Variants in PPP2R3A observed in about 807,000 individuals in gnomAD.
The protein encoded by PPP2R3A is serine/threonine-protein phosphatase 2A regulatory subunit B'' subunit alpha.
A neutral mutation model predicts 106.9 loss-of-function variants in PPP2R3A; 80 were observed. The observed-to-expected ratio is 0.75, with a 90% CI of 0.62 to 0.90. The LOEUF (loss-of-function observed/expected upper bound fraction) is 0.90, where lower values mean the gene tolerates loss of function less well. PPP2R3A is among the 40% of genes least tolerant of loss of function. The pLI, the probability that PPP2R3A is intolerant of heterozygous loss-of-function variation, is 0.00. For synonymous variants in PPP2R3A, 483 were observed against 468.3 expected, an observed-to-expected ratio of 1.03 and a Z score of -0.41; for missense variants, 1,386 against 1,350.4, an observed-to-expected ratio of 1.03 and a Z score of -0.41.
chr3:136,041,957 G>A (rs1017086081), intron 4 of PPP2R3A, among the ~76,000 whole-genome samples: 2 of 151,980 alleles, frequency 1.3e-5, no homozygotes, highest in Non-Finnish European at 2.9e-5. Context: ...TCTTTTAACT[G>A]ATCAGCACCC....
intron 2 of PPP2R3A, among the ~76,000 whole-genome samples, chr3:136,004,859 T>A (rs1347393406): frequency 6.6e-6 from 1 of 152,202 alleles, no homozygotes; most frequent in Non-Finnish European, 1.5e-5. Context: ...TGTGCTTTTT[T>A]ATATTCTTAA....
chr3:136,077,895 G>A (rs549909834), intron 6 of PPP2R3A, among the ~76,000 whole-genome samples: 5 of 152,214 alleles, frequency 3.3e-5, no homozygotes, highest in South Asian at 2.1e-4. Flanking sequence ...CTAGAAGACC[G>A]AGAGTCTTCA....
intron 2 of PPP2R3A, 129 bp from the exon 3 acceptor site, chr3:136,026,703 C>CT (rs1934671905): frequency 2.5e-6 from 2 of 786,094 alleles, no homozygotes; most frequent in African/African-American, 1.8e-5. Context: ...TGCTTACCAC[C>CT]TTTAAGAGTA....
At chr3:136,059,712 A>T (rs1299253306) in intron 5 of PPP2R3A, among the ~76,000 whole-genome samples, 2 of 152,240 alleles carry the variant, frequency 1.3e-5, no homozygotes, top group African/African-American at 4.8e-5. Flanking sequence ...AATAGCAAAG[A>T]CATGGTGGAA....
intron 13 of PPP2R3A, among the ~76,000 whole-genome samples, chr3:136,117,876 T>C (rs1937837078): frequency 6.6e-6 from 1 of 152,230 alleles, no homozygotes; most frequent in Non-Finnish European, 1.5e-5. Flanking sequence ...ACTGATTTTA[T>C]GAGGCCAGCA....
intron 12 of PPP2R3A, 94 bp downstream of exon 12, chr3:136,103,470 G>C (rs1353084682): frequency 2.4e-6 from 2 of 828,990 alleles, no homozygotes; most frequent in Admixed American, 5.3e-5. Flanking sequence ...TGGAATTTCG[G>C]TAAAGAGGTA....
Position 136,147,353 on chromosome 3 carries a change from G to C in PPP2R3A, c.*2187G>C, listed in dbSNP as rs1189398386. On this transcript the variant is annotated 3_prime_UTR_variant, in exon 14 of 14. Coordinates refer to ENST00000264977, the MANE Select transcript of PPP2R3A (RefSeq NM_002718.5). ...CACTCCAGCCTAGGCGACAGAGCAA[G>C]ACCCCATTCTCTTACAAAGTCTCTA... 6.6e-6 allele frequency: 1 copy of C among 152,586 alleles called. No homozygotes were observed. Among genetic ancestry groups the C allele is most frequent in the Non-Finnish European group, 1.5e-5 (1 of 68,038 alleles). 9.5% of individuals were successfully genotyped at this position (152,586 alleles called of 1,614,324 possible). A position where few individuals can be genotyped will look rare whatever the true frequency, so the allele number is the denominator to read the frequency against.
chr3:136,079,253 A>G (rs1285248282), intron 7 of PPP2R3A: 4 of 440,872 alleles, frequency 9.1e-6, no homozygotes, highest in Non-Finnish European at 1.8e-5. Flanking sequence ...ATATTTATTG[A>G]ACACCTGATG....
rs145432310 is a variant in PPP2R3A, at chr3:136,116,105, C to T, written c.3329+9783C>T. On this transcript the variant is annotated intron_variant, in intron 13 of 13. Transcript: ENST00000264977. Reference sequence around the variant, plus strand: ...GGGGACTGATATTCAACATTCTTAACGAATTTTCAACCCAGAATTTCATAT... The same window carrying T: ...GGGGACTGATATTCAACATTCTTAATGAATTTTCAACCCAGAATTTCATAT... 2.5e-4 allele frequency among the ~76,000 whole-genome samples: 38 copies of T among 150,430 alleles called. No homozygotes were observed. In the East Asian group the frequency reaches 5.9e-3, roughly 23 times the overall value.
At chr3:136,086,093 T>C (rs752598742) in intron 8 of PPP2R3A, among the ~76,000 whole-genome samples, 13 of 151,306 alleles carry the variant, frequency 8.6e-5, no homozygotes, top group Non-Finnish European at 7.4e-5. Flanking sequence ...ATGGTGCTGC[T>C]ACACTCCAGC....
intron 13 of PPP2R3A, among the ~76,000 whole-genome samples, chr3:136,144,681 A>T (rs1321507605): frequency 6.6e-6 from 1 of 151,696 alleles, no homozygotes. Context: ...AAGGTTTGCC[A>T]CTCTGAGTGG....
chr3:136,118,716 AATAAG>A (rs1254062423), intron 13 of PPP2R3A, among the ~76,000 whole-genome samples: 2 of 151,360 alleles, frequency 1.3e-5, no homozygotes, highest in African/African-American at 4.9e-5. Context: ...TGCTCAATGA[AATAAG>A]AGAGGACACA....
At chr3:135,988,333 C>T (rs1441451890) in intron 1 of PPP2R3A, among the ~76,000 whole-genome samples, 3 of 151,642 alleles carry the variant, frequency 2.0e-5, no homozygotes. Context: ...ACTCATGTAT[C>T]CCATTGGCTC....
chr3:136,141,821 A>C (rs1251229045), intron 13 of PPP2R3A, among the ~76,000 whole-genome samples: 1 of 152,226 alleles, frequency 6.6e-6, no homozygotes, highest in Non-Finnish European at 1.5e-5. Context: ...CCCTGAACTT[A>C]AGCCAGTGGT....
chr3:136,002,525 T>A lies in PPP2R3A; in HGVS notation c.1027T>A (p.Ser343Thr). The stretch of plus-strand genomic sequence containing the variant: ...TGAAGATGTTGTCCAGCTCTCAGCT[T>A]CTGACTCTGGACGATTTCAAACTAT... ...KYEDVVQLSA[S>T]DSGRFQTIEL... Residue 343 changes from serine to threonine, a missense_variant, in exon 2 of 14, where the codon TCT becomes ACT. Ser to Thr is a moderately conservative substitution (Grantham distance 58). Coordinates refer to ENST00000264977, the MANE Select transcript of PPP2R3A (RefSeq NM_002718.5). 6.2e-7 allele frequency: 1 copy of A among 1,614,064 alleles called. No individual in the cohort carries two copies. Among genetic ancestry groups the A allele is most frequent in the Non-Finnish European group, 8.5e-7 (1 of 1,179,938 alleles).
chr3:136,013,848 G>A lies in PPP2R3A; in HGVS notation c.1995+10355G>A, dbSNP rs57539640. 7.2e-3 allele frequency among the ~76,000 whole-genome samples: 1,097 copies of A among 152,072 alleles called. 11 individuals are homozygous for A. Among genetic ancestry groups the A allele is most frequent in the African/African-American group, 0.026 (1,076 of 41,518 alleles). ...TGCAGAAGCTTTTTAGTTTAAGTAA[G>A]TCCCATCTATTTATCTCTGTTTCTG... On this transcript the variant is annotated intron_variant, in intron 2 of 13. Coordinates refer to ENST00000264977, the MANE Select transcript of PPP2R3A (RefSeq NM_002718.5).
chr3:136,085,435 G>A (rs978215967), intron 8 of PPP2R3A, among the ~76,000 whole-genome samples: 12 of 152,196 alleles, frequency 7.9e-5, no homozygotes, highest in Non-Finnish European at 5.9e-5. Flanking sequence ...CAGGTATGTC[G>A]TTATTAGCAG....
intron 3 of PPP2R3A, among the ~76,000 whole-genome samples, chr3:136,031,719 G>T (rs1476130379): frequency 2.0e-5 from 3 of 152,152 alleles, no homozygotes; most frequent in Admixed American, 6.5e-5. Flanking sequence ...TCTCCTACAT[G>T]TGACTAGCCA....
chr3:136,140,671 C>G (rs1166945605), intron 13 of PPP2R3A, among the ~76,000 whole-genome samples: 3 of 151,626 alleles, frequency 2.0e-5, no homozygotes, highest in Admixed American at 6.6e-5. Flanking sequence ...TCGCTTGAAC[C>G]CCGGAGGCAG....
Sources: gnomAD v4.1 joint callset for allele counts (sites outside exome capture counted in the v4.1 genomes callset) on GRCh38, gnomAD v4.1.1 for gene constraint, MANE v1.5 for transcripts, NCBI Gene and HGNC (gene_info 2026-07-23, HGNC 2026-07-21) for gene names.